TBC1D19: variants seen among roughly 807,000 people sequenced by gnomAD.
TBC1D19 encodes TBC1 domain family member 19.
TBC1D19 carries 60 observed loss-of-function variants against 89.0 expected under a neutral mutation model. That is an observed-to-expected ratio of 0.67 (90% CI 0.55 to 0.84). TBC1D19 has a LOEUF of 0.84. Among genes scored for constraint, TBC1D19 ranks in the 40% least tolerant of loss-of-function variants. TBC1D19 has a pLI of 0.00. For missense variants in TBC1D19, 500 were observed against 610.8 expected (o/e 0.82, Z 1.91); for synonymous variants, 189 against 199.7 (o/e 0.95, Z 0.45).
intron 9 of TBC1D19, 121 bp downstream of exon 9, chr4:26,666,526 C>G: frequency 1.4e-6 from 1 of 708,772 alleles, no homozygotes; most frequent in Non-Finnish European, 2.3e-6. Context: ...ATGCTTTTGC[C>G]TCTCCTTGGT....
chr4:26,647,512 T>C (rs910935927), intron 7 of TBC1D19, among the ~76,000 whole-genome samples: 9 of 152,190 alleles, frequency 5.9e-5, no homozygotes, highest in African/African-American at 2.2e-4. Context: ...TTTTCCCACC[T>C]AGAATCTGTT....
intron 19 of TBC1D19, among the ~76,000 whole-genome samples, chr4:26,751,380 C>T (rs564915296): frequency 3.9e-5 from 6 of 152,098 alleles, no homozygotes; most frequent in African/African-American, 1.4e-4. Context: ...CAATTATATA[C>T]AAAAAAGGAA....
chr4:26,808,727 CAAAAAAAA>C, the TBC1D19 span, among the ~76,000 whole-genome samples: 2 of 95,112 alleles, frequency 2.1e-5, no homozygotes, highest in African/African-American at 4.5e-5. Flanking sequence ...GACTCTGTCT[CAAAAAAAA>C]AAAAAAAAAA....
At chr4:26,659,509 G>T in intron 7 of TBC1D19, 88 bp from the exon 8 acceptor site, 1 of 717,714 alleles carries the variant, frequency 1.4e-6, no homozygotes. Flanking sequence ...TAATTTTGTG[G>T]TGATACACTA....
At chr4:26,582,243 A>G (rs112352585), upstream of TBC1D19, among the ~76,000 whole-genome samples, 4 of 152,200 alleles carry the variant, frequency 2.6e-5, no homozygotes, top group African/African-American at 9.6e-5. Flanking sequence ...TACTTGGTAC[A>G]TTTGTTCCTC....
the TBC1D19 span, among the ~76,000 whole-genome samples, chr4:26,780,842 A>G: frequency 1.3e-5 from 2 of 152,308 alleles, no homozygotes; most frequent in African/African-American, 4.8e-5. Context: ...TGACTAGCCA[A>G]TTGAGGACAA....
At chr4:26,767,933 A>G in the TBC1D19 span, among the ~76,000 whole-genome samples, 6 of 152,142 alleles carry the variant, frequency 3.9e-5, no homozygotes, top group Non-Finnish European at 8.8e-5. Flanking sequence ...CAACATAAAA[A>G]GGAGGAACCC....
chr4:26,761,785 A>G, the TBC1D19 span, among the ~76,000 whole-genome samples: 3 of 152,228 alleles, frequency 2.0e-5, no homozygotes, highest in Admixed American at 6.5e-5. Flanking sequence ...AAGTTTAACA[A>G]ATATTTTTCA....
intron 18 of TBC1D19, among the ~76,000 whole-genome samples, chr4:26,744,071 A>G (rs1718515667): frequency 6.6e-6 from 1 of 151,660 alleles, no homozygotes; most frequent in South Asian, 2.1e-4. Context: ...AATTTCTTTA[A>G]TAGATATAGG....
the TBC1D19 span, among the ~76,000 whole-genome samples, chr4:26,817,280 CTCCCGCA>C: frequency 3.3e-5 from 5 of 152,256 alleles, no homozygotes; most frequent in African/African-American, 1.2e-4. Flanking sequence ...GATACCCCCT[CTCCCGCA>C]CCCCGCCGGC....
chr4:26,698,152 A>G (rs181653216), intron 13 of TBC1D19, among the ~76,000 whole-genome samples: 1 of 152,236 alleles, frequency 6.6e-6, no homozygotes, highest in African/African-American at 2.4e-5. Context: ...CTGATAAGCA[A>G]CTTCAGCAAA....
At chr4:26,826,966 C>T in the TBC1D19 span, among the ~76,000 whole-genome samples, 1 of 152,206 alleles carries the variant, frequency 6.6e-6, no homozygotes, top group East Asian at 1.9e-4. Context: ...AGTCTCTCCC[C>T]TAAACTGGTT....
chr4:26,681,443 C>T (rs773959789), intron 11 of TBC1D19, among the ~76,000 whole-genome samples: 16 of 151,700 alleles, frequency 1.1e-4, no homozygotes, highest in Non-Finnish European at 1.3e-4. Context: ...CCCAGCTACT[C>T]GGGAGGCTGG....
chr4:26,812,803 C>T, the TBC1D19 span, among the ~76,000 whole-genome samples: 1 of 143,308 alleles, frequency 7.0e-6, no homozygotes, highest in Admixed American at 7.1e-5. The surrounding 1 kb of genome is among the most constrained non-coding windows in gnomAD (Gnocchi z 4.2). Flanking sequence ...TATAAATATA[C>T]ATATATGAAT....
chr4:26,716,902 T>TC (rs1716658417), intron 13 of TBC1D19, among the ~76,000 whole-genome samples: 1 of 152,082 alleles, frequency 6.6e-6, no homozygotes, highest in South Asian at 2.1e-4. Context: ...TGCCTTGGCC[T>TC]CCCAAAGTGC....
chr4:26,817,979 A>ATATATATATATATATATATATAT, the TBC1D19 span, among the ~76,000 whole-genome samples: 5 of 107,358 alleles, frequency 4.7e-5, no homozygotes, highest in African/African-American at 2.3e-4. Context: ...AAAAAAAAAA[A>ATATATATATATATATATATATAT]AAATATATAT....
chr4:26,766,981 T>C, the TBC1D19 span, among the ~76,000 whole-genome samples: 2 of 152,122 alleles, frequency 1.3e-5, no homozygotes, highest in Non-Finnish European at 2.9e-5. Context: ...ACATCAGAAG[T>C]GCTCTGCCAT....
chr4:26,849,880 C>T, the TBC1D19 span, among the ~76,000 whole-genome samples: 4 of 152,160 alleles, frequency 2.6e-5, no homozygotes, highest in Non-Finnish European at 5.9e-5. Context: ...GTAACATTTT[C>T]ATTATTTTTT....
intron 7 of TBC1D19, among the ~76,000 whole-genome samples, chr4:26,641,389 A>G (rs1427742858): frequency 6.6e-6 from 1 of 152,212 alleles, no homozygotes; most frequent in Non-Finnish European, 1.5e-5. Context: ...AACATCAACA[A>G]AAAGGACATC....
Sources: gnomAD v4.1 joint callset for allele counts (sites outside exome capture counted in the v4.1 genomes callset) on GRCh38, gnomAD v4.1.1 for gene constraint, Gnocchi (gnomAD v3.1) non-coding constraint, MANE v1.5 for transcripts, NCBI Gene and HGNC (gene_info 2026-07-23, HGNC 2026-07-21) for gene names.